Variants in KIF18A observed in about 807,000 individuals in gnomAD.
KIF18A encodes the protein kinesin family member 18A, also known as kinesin-like protein KIF18A.
Under a neutral mutation model 103.3 loss-of-function variants are expected in KIF18A, and 67 were observed. The ratio of observed to expected loss-of-function variants is 0.65; its 90% CI spans 0.53 to 0.79. KIF18A has a LOEUF of 0.79. KIF18A is among the 30% of genes least tolerant of loss of function. KIF18A has a pLI of 0.00. For missense variants in KIF18A, 1,032 were observed against 1,062.5 expected (o/e 0.97, Z 0.40); for synonymous variants, 367 against 355.5 (o/e 1.03, Z -0.36).
chr11:28,084,668 A>G lies in KIF18A; in HGVS notation c.1038T>C (p.Leu346=). 6.2e-7 allele frequency: 1 copy of G among 1,612,770 alleles called. No homozygotes were observed. The highest frequency in any genetic ancestry group is 8.5e-7 in the Non-Finnish European group (1 of 1,178,932). The change falls in exon 7 of 17, where the codon CTT becomes CTC. Residue 346 remains leucine, a synonymous_variant. Transcript: ENST00000263181. ...TGTCCTTTGCCCGGTTAGCATACTT[A>G]AGAGTGTTATATGTGTCATCGTAGA... ...SVFYDDTYNT[L]KYANRAKDIK...
At chr11:28,088,976 A>T (rs1851268189) in intron 5 of KIF18A, among the ~76,000 whole-genome samples, 1 of 152,198 alleles carries the variant, frequency 6.6e-6, no homozygotes, top group African/African-American at 2.4e-5. Context: ...CAAAACTTCC[A>T]TTTCTATTCT....
At chr11:28,099,619 AAAT>A (rs1851420766) in intron 1 of KIF18A, among the ~76,000 whole-genome samples, 1 of 152,144 alleles carries the variant, frequency 6.6e-6, no homozygotes, top group African/African-American at 2.4e-5. Flanking sequence ...AAAGAGACAA[AAAT>A]AATAAATTCA....
At chr11:28,089,477 T>C (rs769895163) in intron 5 of KIF18A, among the ~76,000 whole-genome samples, 1 of 152,192 alleles carries the variant, frequency 6.6e-6, no homozygotes, top group Non-Finnish European at 1.5e-5. Flanking sequence ...CTGTACATAA[T>C]TGTATGTACT....
At chr11:28,038,295 C>A (rs1850519388) in intron 13 of KIF18A, among the ~76,000 whole-genome samples, 1 of 151,350 alleles carries the variant, frequency 6.6e-6, no homozygotes, top group Non-Finnish European at 1.5e-5. Flanking sequence ...TTTATTAATG[C>A]CCCAAATAAT....
At position 28,107,739 on chromosome 11, in the gene KIF18A, A is replaced by T. The variant is rs1438050611; in HGVS notation, c.-47+325T>A. On this transcript the variant is annotated intron_variant, in intron 1 of 16. Coordinates refer to ENST00000263181, the MANE Select transcript of KIF18A (RefSeq NM_031217.4). ...AGTCCGGAAAAAAGCTGACACTACA[A>T]GGTGCTGGGCAGTTAAAGTTCTCTG... 2.6e-5 allele frequency among the ~76,000 whole-genome samples: 4 copies of T among 152,186 alleles called. No homozygotes were observed. The East Asian group carries it at 7.7e-4, about 29-fold the overall frequency.
intron 15 of KIF18A, among the ~76,000 whole-genome samples, chr11:28,024,718 A>G (rs1850291534): frequency 1.3e-5 from 2 of 151,984 alleles, no homozygotes; most frequent in South Asian, 4.1e-4. Flanking sequence ...AAAAACAGCA[A>G]TCCTTCCTAG....
chr11:28,098,369 G>T (rs188617473), intron 1 of KIF18A, among the ~76,000 whole-genome samples: 26 of 152,276 alleles, frequency 1.7e-4, no homozygotes, highest in African/African-American at 5.5e-4. Context: ...AAGCCCTCCA[G>T]CACTATTTCA....
At chr11:28,039,549 A>C (rs1850534141) in intron 13 of KIF18A, among the ~76,000 whole-genome samples, 1 of 151,766 alleles carries the variant, frequency 6.6e-6, no homozygotes, top group South Asian at 2.1e-4. Flanking sequence ...AATTCCCATC[A>C]TGGTGGACCA....
intron 2 of KIF18A, chr11:28,097,282 T>C (rs1851388033): frequency 5.3e-6 from 1 of 188,434 alleles, no homozygotes; most frequent in Non-Finnish European, 1.1e-5. Context: ...GATAATTACA[T>C]AGGTAAGCTG....
intron 12 of KIF18A, among the ~76,000 whole-genome samples, chr11:28,062,162 T>C (rs1002172630): frequency 2.0e-5 from 3 of 152,136 alleles, no homozygotes; most frequent in African/African-American, 4.8e-5. Context: ...TTACATAGCA[T>C]ATATTAAGTA....
rs1355499436 is a variant in KIF18A, at chr11:28,062,472, G to A, written c.1635C>T (p.Asn545=). The A allele has an allele frequency of 1.3e-5, 21 of 1,611,380 alleles. No individual in the cohort carries two copies. Among genetic ancestry groups the A allele is most frequent in the Non-Finnish European group, 1.8e-5 (21 of 1,178,436 alleles). ...GTCTAATTTGTGCTTTCAAATCTTT[G>A]TTCTGGAGGTGCAAATGGTGACAAT... ...DLHCHHLHLQ[N]KDLKAQIRHM... is the part of the protein sequence containing the mutation. Residue 545 remains asparagine, a synonymous_variant, in exon 12 of 17, where the codon AAC becomes AAT. Transcript: ENST00000263181.
At chr11:28,030,454 G>A (rs1308282785) in intron 15 of KIF18A, among the ~76,000 whole-genome samples, 5 of 151,954 alleles carry the variant, frequency 3.3e-5, no homozygotes, top group Non-Finnish European at 7.4e-5. Flanking sequence ...TTAATAAATG[G>A]TGCTGGGAAA....
intron 13 of KIF18A, among the ~76,000 whole-genome samples, chr11:28,047,651 T>C (rs1850654877): frequency 6.6e-6 from 1 of 152,126 alleles, no homozygotes; most frequent in Middle Eastern, 3.2e-3. Flanking sequence ...ATGTTTCTTA[T>C]TTTCCAGGTA....
chr11:28,065,104 C>T (rs1418153490), intron 11 of KIF18A, among the ~76,000 whole-genome samples: 2 of 151,966 alleles, frequency 1.3e-5, no homozygotes, highest in African/African-American at 2.4e-5. Flanking sequence ...AGGATAGCAG[C>T]AGAGGGGCAT....
Position 28,108,075 on chromosome 11 carries a change from TCTCA to T in KIF18A, c.-62_-59del. On this transcript the variant is annotated 5_prime_UTR_variant, in exon 1 of 17. Coordinates refer to ENST00000263181, the MANE Select transcript of KIF18A (RefSeq NM_031217.4). ...GAGTCCAGTTTTACCTTCATGTGCC[TCTCA>T]CTCACTTCAGGCCCAGGCCAGGTTA... 6.6e-6 allele frequency: 1 copy of T among 152,470 alleles called. No individual in the cohort carries two copies. Among genetic ancestry groups the T allele is most frequent in the South Asian group, 2.1e-4 (1 of 4,832 alleles). 9.4% of individuals were successfully genotyped at this position (152,470 alleles called of 1,614,324 possible).
At chr11:28,098,942 C>A (rs190059955) in intron 1 of KIF18A, among the ~76,000 whole-genome samples, 2 of 151,886 alleles carry the variant, frequency 1.3e-5, no homozygotes, top group East Asian at 3.9e-4. Context: ...TGAGTAAGGA[C>A]CAAAAGGTGA....
chr11:28,079,913 A>AAGTATACC (rs1462464244), intron 9 of KIF18A, among the ~76,000 whole-genome samples: 2 of 152,098 alleles, frequency 1.3e-5, no homozygotes, highest in Non-Finnish European at 2.9e-5. Context: ...TGTATTACTA[A>AAGTATACC]CTGCTTTCTT....
At position 28,058,874 on chromosome 11, in the gene KIF18A, G is replaced by A. The variant is rs550625117; in HGVS notation, c.1948+52C>T. The A allele has an allele frequency of 2.3e-5, 31 of 1,347,302 alleles. No individual in the cohort carries two copies. The Admixed American group carries it at 5.4e-4, about 24-fold the overall frequency. The allele number at this position is 1,347,302 out of a possible 1,614,324, so 83.5% of individuals were successfully genotyped here. ...CTGTTCTATAGATTGATATACAAAG[G>A]TTCTCTTTAGAAATAATGTTACTAT... is the stretch of plus-strand genomic sequence containing the variant. On this transcript the variant is annotated intron_variant, in intron 13 of 16. Coordinates refer to ENST00000263181, the MANE Select transcript of KIF18A (RefSeq NM_031217.4).
rs768987922 is a variant in KIF18A, at chr11:28,091,482, A to T, written c.515T>A (p.Val172Glu). 1 of 1,610,028 alleles carries T rather than the reference A, an allele frequency of 6.2e-7. No homozygotes were observed. The highest frequency in any genetic ancestry group is 1.1e-5 in the South Asian group (1 of 90,864). Reference protein sequence around the residue: ...VYNEQIRDLLVNSGPLAVRED... With the variant: ...VYNEQIRDLLENSGPLAVRED... ...CCGGACAGCAAGTGGCCCTGAATTT[A>T]CTAAGAGATCACGAATCTGTTCATT... is the stretch of plus-strand genomic sequence containing the variant. The change falls in exon 4 of 17, where the codon GTA (valine) becomes GAA (glutamate). Residue 172 changes from valine (V) to glutamate (E), a missense_variant. Physicochemically the swap from Val to Glu is moderately radical, Grantham distance 121. Coordinates refer to ENST00000263181, the MANE Select transcript of KIF18A (RefSeq NM_031217.4).
Sources: allele counts gnomAD v4.1 joint callset (sites outside exome capture counted in the v4.1 genomes callset), GRCh38; gene constraint gnomAD v4.1.1; transcripts MANE v1.5; gene names NCBI Gene and HGNC (gene_info 2026-07-23, HGNC 2026-07-21).